The following GPR158 variants were observed in gnomAD, a reference collection of about 807,000 sequenced individuals.
GPR158 encodes metabotropic glycine receptor.
Under a neutral mutation model 78.2 loss-of-function variants are expected in GPR158, and 30 were observed. That is an observed-to-expected ratio of 0.38 (90% CI 0.29 to 0.52). The LOEUF is 0.52. GPR158 is among the 20% of genes least tolerant of loss of function. The pLI is 0.83. For synonymous variants in GPR158, 581 were observed against 591.1 expected, an observed-to-expected ratio of 0.98 and a Z score of 0.25; for missense variants, 1,463 against 1,523.5, an observed-to-expected ratio of 0.96 and a Z score of 0.66.
At chr10:25,216,070 C>T (rs771175087) in intron 1 of GPR158, among the ~76,000 whole-genome samples, 3 of 152,164 alleles carry the variant, frequency 2.0e-5, no homozygotes, top group African/African-American at 7.2e-5. Flanking sequence ...ACAAATTCCC[C>T]TTTCATTAAC....
At chr10:25,572,955 A>G (rs1420771137) in intron 7 of GPR158, 68 bp downstream of exon 7, 8 of 935,764 alleles carry the variant, frequency 8.5e-6, no homozygotes, top group Non-Finnish European at 1.4e-5. Context: ...GACTTCTTTA[A>G]AAGTCTTGCC....
At chr10:25,503,434 G>A (rs529272156) in intron 5 of GPR158, among the ~76,000 whole-genome samples, 1 of 152,194 alleles carries the variant, frequency 6.6e-6, no homozygotes, top group South Asian at 2.1e-4. Context: ...AAGTATCTGT[G>A]GACATATTGC....
chr10:25,360,187 C>T (rs1406350032), intron 2 of GPR158, among the ~76,000 whole-genome samples: 2 of 152,158 alleles, frequency 1.3e-5, no homozygotes, highest in African/African-American at 4.8e-5. Flanking sequence ...TAAAAATTTT[C>T]TCCCATTCTG....
chr10:25,573,293 A>G (rs539213051), intron 7 of GPR158, among the ~76,000 whole-genome samples: 2 of 152,346 alleles, frequency 1.3e-5, no homozygotes, highest in African/African-American at 4.8e-5. Flanking sequence ...TTGGCCCTAT[A>G]ATGTATCAGA....
chr10:25,579,151 A>C (rs1447479422), intron 7 of GPR158, among the ~76,000 whole-genome samples: 6 of 146,402 alleles, frequency 4.1e-5, no homozygotes, highest in Non-Finnish European at 9.1e-5. Context: ...CGACTGTCAG[A>C]TTTTTTTTTT....
chr10:25,400,512 A>G (rs758469047), intron 3 of GPR158, among the ~76,000 whole-genome samples: 1 of 152,244 alleles, frequency 6.6e-6, no homozygotes, highest in African/African-American at 2.4e-5. Context: ...CTGGCAGCCC[A>G]GAGACCTTGT....
At chr10:25,279,651 C>T (rs992426350) in intron 2 of GPR158, among the ~76,000 whole-genome samples, 3 of 152,056 alleles carry the variant, frequency 2.0e-5, no homozygotes, top group Non-Finnish European at 2.9e-5. Context: ...TTAGTGACCT[C>T]GCAGCTACAC....
chr10:25,515,307 G>T (rs1301064931), intron 5 of GPR158, among the ~76,000 whole-genome samples: 1 of 151,268 alleles, frequency 6.6e-6, no homozygotes, highest in Admixed American at 6.6e-5. Context: ...AGTGCATTTT[G>T]CATTTCGCTA....
At chr10:25,181,357 T>G (rs944209328) in intron 1 of GPR158, among the ~76,000 whole-genome samples, 1 of 152,208 alleles carries the variant, frequency 6.6e-6, no homozygotes, top group African/African-American at 2.4e-5. Flanking sequence ...AGTAAATATT[T>G]TTGTATTGTA....
At chr10:25,442,577 C>A (rs370528359) in intron 4 of GPR158, among the ~76,000 whole-genome samples, 1 of 151,986 alleles carries the variant, frequency 6.6e-6, no homozygotes, top group Non-Finnish European at 1.5e-5. Flanking sequence ...TATATTAATA[C>A]GTCAGTATGT....
intron 4 of GPR158, among the ~76,000 whole-genome samples, chr10:25,438,753 T>C (rs1835030769): frequency 6.6e-6 from 1 of 152,212 alleles, no homozygotes; most frequent in South Asian, 2.1e-4. Flanking sequence ...AGTCCTGTCG[T>C]AGGAACTCAG....
At chr10:25,540,945 A>AAAATAT (rs1342123329) in intron 5 of GPR158, among the ~76,000 whole-genome samples, 9 of 82,906 alleles carry the variant, frequency 1.1e-4, no homozygotes, top group African/African-American at 8.8e-4. Context: ...GTATAATAAA[A>AAAATAT]ATATATATAT....
At chr10:25,561,863 A>G (rs191862098) in intron 6 of GPR158, among the ~76,000 whole-genome samples, 5 of 152,292 alleles carry the variant, frequency 3.3e-5, no homozygotes, top group African/African-American at 9.6e-5. Context: ...AAGGGTGCAT[A>G]TAAGTTTAAA....
intron 4 of GPR158, among the ~76,000 whole-genome samples, chr10:25,442,008 G>A (rs1835074835): frequency 6.6e-6 from 1 of 152,066 alleles, no homozygotes; most frequent in Non-Finnish European, 1.5e-5. Context: ...TCCTTGAGCT[G>A]TTTGTCTCAG....
intron 2 of GPR158, among the ~76,000 whole-genome samples, chr10:25,253,984 A>G (rs1452787565): frequency 6.6e-6 from 1 of 152,202 alleles, no homozygotes; most frequent in Non-Finnish European, 1.5e-5. Flanking sequence ...CATAATTAGC[A>G]TTGTTTAGTT....
chr10:25,423,549 T>G (rs1834782603), intron 4 of GPR158, among the ~76,000 whole-genome samples: 1 of 149,750 alleles, frequency 6.7e-6, no homozygotes, highest in Non-Finnish European at 1.5e-5. Context: ...CCCCAACCTA[T>G]GACAGGCCCC....
intron 6 of GPR158, among the ~76,000 whole-genome samples, chr10:25,553,158 A>G (rs936716973): frequency 6.6e-6 from 1 of 152,188 alleles, no homozygotes; most frequent in Admixed American, 6.5e-5. Context: ...TCCTTTAAAT[A>G]TTTTAAAACA....
chr10:25,217,499 T>G (rs1046106351), intron 1 of GPR158, among the ~76,000 whole-genome samples: 1 of 152,166 alleles, frequency 6.6e-6, no homozygotes, highest in Non-Finnish European at 1.5e-5. Flanking sequence ...CCATATAAAC[T>G]TCAAGAGCTA....
chr10:25,437,850 T>C (rs1400519263), intron 4 of GPR158, among the ~76,000 whole-genome samples: 1 of 152,168 alleles, frequency 6.6e-6, no homozygotes, highest in Admixed American at 6.6e-5. Context: ...TTGGACCAAA[T>C]GGCCATAGAG....
Sources: allele counts gnomAD v4.1 joint callset (sites outside exome capture counted in the v4.1 genomes callset), GRCh38; gene constraint gnomAD v4.1.1; transcripts MANE v1.5; gene names NCBI Gene and HGNC (gene_info 2026-07-23, HGNC 2026-07-21).